The following ENTREP1 variants were observed in gnomAD, a reference collection of about 807,000 sequenced individuals.
ENTREP1 encodes the protein endosomal transmembrane epsin interactor 1.
chr9:69,353,697 T>C, the ENTREP1 span, among the ~76,000 whole-genome samples: 19 of 152,216 alleles, frequency 1.2e-4, no homozygotes, highest in Non-Finnish European at 2.5e-4. Flanking sequence ...TGTGCACATT[T>C]CTGTATGTAT....
the ENTREP1 span, among the ~76,000 whole-genome samples, chr9:69,343,437 G>T: frequency 5.9e-5 from 9 of 152,230 alleles, no homozygotes; most frequent in South Asian, 1.9e-3. Flanking sequence ...TAGAGCCCCT[G>T]CTGGATGATT....
the ENTREP1 span, among the ~76,000 whole-genome samples, chr9:69,366,743 T>G: frequency 6.6e-6 from 1 of 152,062 alleles, no homozygotes; most frequent in African/African-American, 2.4e-5. Context: ...GTCTAGTTTT[T>G]TCTTCTGAAT....
the ENTREP1 span, among the ~76,000 whole-genome samples, chr9:69,385,467 G>A: frequency 1.3e-5 from 2 of 151,710 alleles, no homozygotes; most frequent in East Asian, 1.9e-4. Context: ...TACTGCCCCA[G>A]AATGCTTCCC....
At chr9:69,351,624 C>T in the ENTREP1 span, among the ~76,000 whole-genome samples, 1 of 152,150 alleles carries the variant, frequency 6.6e-6, no homozygotes, top group Admixed American at 6.5e-5. Flanking sequence ...ACCATGTTGG[C>T]CAGGCTGGTC....
At chr9:69,381,657 C>CAAAAA in the ENTREP1 span, 1 of 152,296 alleles carries the variant, frequency 6.6e-6, no homozygotes, top group Non-Finnish European at 1.5e-5. Context: ...AAAACAAAAA[C>CAAAAA]AAAAACAAAA....
the ENTREP1 span, chr9:69,371,519 C>G: frequency 3.5e-5 from 57 of 1,613,576 alleles, no homozygotes; most frequent in Non-Finnish European, 4.7e-5. Flanking sequence ...TTGTGCTGCT[C>G]TCTGTGGTTT....
the ENTREP1 span, among the ~76,000 whole-genome samples, chr9:69,332,088 C>T: frequency 6.6e-6 from 1 of 152,172 alleles, no homozygotes; most frequent in African/African-American, 2.4e-5. Flanking sequence ...AAAAATTTAT[C>T]CCCAACTGTA....
At chr9:69,379,388 G>A in the ENTREP1 span, among the ~76,000 whole-genome samples, 1 of 152,222 alleles carries the variant, frequency 6.6e-6, no homozygotes, top group Non-Finnish European at 1.5e-5. Context: ...TGACTGCAAA[G>A]CTGGAGGGGA....
the ENTREP1 span, chr9:69,391,596 C>T: frequency 4.7e-5 from 76 of 1,613,576 alleles, no homozygotes; most frequent in Non-Finnish European, 5.8e-5. Flanking sequence ...TCTCTTTTCC[C>T]AAAGATAATG....
At chr9:69,365,988 A>G in the ENTREP1 span, among the ~76,000 whole-genome samples, 2 of 152,182 alleles carry the variant, frequency 1.3e-5, no homozygotes, top group African/African-American at 4.8e-5. Flanking sequence ...TGCAATAAAC[A>G]TAACGGTGCA....
the ENTREP1 span, chr9:69,380,311 T>C: frequency 1.3e-5 from 2 of 152,270 alleles, no homozygotes; most frequent in African/African-American, 4.8e-5. Flanking sequence ...AGATTCACGG[T>C]ATAAATCAAC....
the ENTREP1 span, chr9:69,385,765 T>C: frequency 3.3e-5 from 9 of 274,990 alleles, no homozygotes; most frequent in African/African-American, 3.4e-4. Flanking sequence ...TTTCGCCTCT[T>C]TTTTTTTTTT....
At chr9:69,391,889 A>G in the ENTREP1 span, 2 of 1,341,674 alleles carry the variant, frequency 1.5e-6, no homozygotes, top group African/African-American at 1.5e-5. Flanking sequence ...GTCCACCTCA[A>G]AAAAAAGGAG....
the ENTREP1 span, chr9:69,388,071 TGA>T: frequency 6.2e-7 from 1 of 1,610,246 alleles, no homozygotes; most frequent in South Asian, 1.1e-5. Flanking sequence ...CTTTCCATGT[TGA>T]GTTTTGTGGT....
At chr9:69,337,897 A>G in the ENTREP1 span, among the ~76,000 whole-genome samples, 1 of 152,216 alleles carries the variant, frequency 6.6e-6, no homozygotes, top group Non-Finnish European at 1.5e-5. Flanking sequence ...AGTTCATCTG[A>G]AACAGATTGT....
the ENTREP1 span, chr9:69,375,672 T>A: frequency 3.8e-6 from 5 of 1,320,968 alleles, no homozygotes; most frequent in African/African-American, 7.2e-5. Flanking sequence ...TGGTGCTCCA[T>A]GGTAGAGCCA....
At chr9:69,388,530 C>T in the ENTREP1 span, 1 of 1,118,214 alleles carries the variant, frequency 8.9e-7, no homozygotes, top group Non-Finnish European at 1.2e-6. Flanking sequence ...GCTTTCTTGT[C>T]CAAGGCAGAG....
the ENTREP1 span, among the ~76,000 whole-genome samples, chr9:69,367,788 C>T: frequency 1.4e-5 from 1 of 72,550 alleles, no homozygotes; most frequent in African/African-American, 5.7e-5. Flanking sequence ...TATATATACA[C>T]ACATATATAT....
At chr9:69,348,176 G>C in the ENTREP1 span, among the ~76,000 whole-genome samples, 10 of 152,170 alleles carry the variant, frequency 6.6e-5, no homozygotes, top group East Asian at 1.9e-3. Context: ...GTGCAGTGGC[G>C]CGGACACAGC....
Sources: gnomAD v4.1 joint callset for allele counts (sites outside exome capture counted in the v4.1 genomes callset) on GRCh38, gnomAD v4.1.1 for gene constraint, MANE v1.5 for transcripts, NCBI Gene and HGNC (gene_info 2026-07-23, HGNC 2026-07-21) for gene names.